The following SUPT3H variants were observed in gnomAD, a reference collection of about 807,000 sequenced individuals.
SUPT3H encodes the protein SPT3 homolog, SAGA and STAGA complex component, also known as transcription initiation protein SPT3 homolog.
A neutral mutation model predicts 44.3 loss-of-function variants in SUPT3H; 44 were observed. The ratio of observed to expected loss-of-function variants is 0.99; its 90% CI spans 0.78 to 1.28. SUPT3H has a LOEUF of 1.28. Among genes scored for constraint, SUPT3H ranks in the 50% most tolerant of loss-of-function variants. The pLI is 0.00. For synonymous variants in SUPT3H, 124 were observed against 125.6 expected (o/e 0.99, Z 0.09); for missense variants, 380 against 387.1 (o/e 0.98, Z 0.15).
chr6:44,894,581 A>C (rs1270935354), intron 10 of SUPT3H, among the ~76,000 whole-genome samples: 3 of 152,160 alleles, frequency 2.0e-5, no homozygotes, highest in African/African-American at 7.2e-5. Context: ...ATTGATGTAT[A>C]TCTCTGTTTT....
chr6:45,074,924 T>C (rs954513240), intron 3 of SUPT3H, among the ~76,000 whole-genome samples: 17 of 152,106 alleles, frequency 1.1e-4, no homozygotes, highest in Non-Finnish European at 1.8e-4. Flanking sequence ...AACATACATA[T>C]ACTGAGTTTC....
chr6:45,334,449 CAAAAA>C (rs551014969), intron 2 of SUPT3H, among the ~76,000 whole-genome samples: 256 of 91,734 alleles, frequency 2.8e-3, no homozygotes, highest in African/African-American at 0.011. Flanking sequence ...TCAGGAAAAG[CAAAAA>C]AAAAAAAAAA....
intron 3 of SUPT3H, among the ~76,000 whole-genome samples, chr6:45,050,278 A>AGAGTGTGTGTGTGTGTGT (rs1554221019): frequency 8.9e-4 from 131 of 147,420 alleles, no homozygotes; most frequent in Middle Eastern, 3.5e-3. Flanking sequence ...CTTTTTCTGC[A>AGAGTGTGTGTGTGTGTGT]GTGTGTGTGT....
At chr6:45,175,122 A>G (rs1432630709) in intron 2 of SUPT3H, among the ~76,000 whole-genome samples, 2 of 151,944 alleles carry the variant, frequency 1.3e-5, no homozygotes, top group South Asian at 2.1e-4. Context: ...ACTTCCTACT[A>G]TATCACTTAA....
intron 3 of SUPT3H, among the ~76,000 whole-genome samples, chr6:45,092,599 A>C (rs982892091): frequency 3.3e-5 from 5 of 151,914 alleles, no homozygotes; most frequent in African/African-American, 1.2e-4. Context: ...AAAATACAAA[A>C]ACTAGCCAGG....
chr6:44,997,432 C>T (rs1464775099), intron 6 of SUPT3H, among the ~76,000 whole-genome samples: 1 of 151,624 alleles, frequency 6.6e-6, no homozygotes, highest in Non-Finnish European at 1.5e-5. Flanking sequence ...CTGATTGACA[C>T]TGTCTTTTTT....
At chr6:44,925,643 A>G (rs900418723) in intron 10 of SUPT3H, among the ~76,000 whole-genome samples, 8 of 152,144 alleles carry the variant, frequency 5.3e-5, no homozygotes, top group African/African-American at 1.9e-4. Flanking sequence ...AACCATGGGT[A>G]CCACCCACTG....
At chr6:44,946,640 T>C (rs139299466) in intron 9 of SUPT3H, among the ~76,000 whole-genome samples, 8 of 152,286 alleles carry the variant, frequency 5.3e-5, no homozygotes, top group South Asian at 2.1e-4. Context: ...AATCTCATGA[T>C]AAAACTTGAA....
intron 2 of SUPT3H, among the ~76,000 whole-genome samples, chr6:45,269,311 T>G (rs910117797): frequency 2.6e-5 from 4 of 152,190 alleles, no homozygotes; most frequent in Non-Finnish European, 5.9e-5. Context: ...ACCACATTCC[T>G]CATTTGTTTA....
chr6:45,305,742 C>T (rs1782890203), intron 2 of SUPT3H, among the ~76,000 whole-genome samples: 1 of 152,186 alleles, frequency 6.6e-6, no homozygotes, highest in African/African-American at 2.4e-5. Flanking sequence ...CTATCTTTCC[C>T]AACTCCACAC....
chr6:44,880,342 A>G (rs1173191238), intron 10 of SUPT3H, among the ~76,000 whole-genome samples: 2 of 152,134 alleles, frequency 1.3e-5, no homozygotes, highest in Non-Finnish European at 2.9e-5. Flanking sequence ...TTGAAGATCA[A>G]CTTGAAGAAA....
intron 2 of SUPT3H, among the ~76,000 whole-genome samples, chr6:45,224,783 A>T (rs1396753924): frequency 2.4e-4 from 36 of 151,788 alleles, no homozygotes; most frequent in Non-Finnish European, 1.5e-4. Flanking sequence ...GTCTCCAAAA[A>T]AAAAAAAGAA....
At chr6:45,316,272 A>G (rs1315229933) in intron 2 of SUPT3H, among the ~76,000 whole-genome samples, 1 of 152,156 alleles carries the variant, frequency 6.6e-6, no homozygotes, top group East Asian at 1.9e-4. Flanking sequence ...AATCTCCACT[A>G]AAGAACTTAC....
chr6:45,031,815 A>G (rs1192002395), intron 3 of SUPT3H, among the ~76,000 whole-genome samples: 1 of 152,194 alleles, frequency 6.6e-6, no homozygotes, highest in Admixed American at 6.5e-5. Flanking sequence ...AAACTCACTT[A>G]GTCATACCAG....
intron 2 of SUPT3H, among the ~76,000 whole-genome samples, chr6:45,326,862 C>T (rs1462148306): frequency 6.6e-6 from 1 of 151,828 alleles, no homozygotes; most frequent in Non-Finnish European, 1.5e-5. Context: ...TCACTGTCTC[C>T]GCCCACCCCA....
At chr6:45,220,125 A>G (rs1765793501) in intron 2 of SUPT3H, among the ~76,000 whole-genome samples, 1 of 151,056 alleles carries the variant, frequency 6.6e-6, no homozygotes, top group African/African-American at 2.4e-5. Context: ...TTCCCATTTT[A>G]TCAGGCAAAT....
At chr6:45,008,695 G>A (rs1783055674) in intron 5 of SUPT3H, among the ~76,000 whole-genome samples, 2 of 151,760 alleles carry the variant, frequency 1.3e-5, no homozygotes, top group African/African-American at 2.4e-5. Flanking sequence ...TAGTGGGTGT[G>A]GAGTATTATA....
chr6:45,024,747 A>G (rs747497588), intron 3 of SUPT3H, among the ~76,000 whole-genome samples: 60 of 152,208 alleles, frequency 3.9e-4, no homozygotes, highest in Non-Finnish European at 8.1e-4. Flanking sequence ...TGAGATTAAC[A>G]GTTCAATCAG....
At chr6:45,286,360 G>T (rs972370067) in intron 2 of SUPT3H, among the ~76,000 whole-genome samples, 16 of 151,946 alleles carry the variant, frequency 1.1e-4, no homozygotes, top group South Asian at 2.1e-4. Flanking sequence ...GACAAAGGGC[G>T]AATATCTAGA....
Sources: allele counts gnomAD v4.1 joint callset (sites outside exome capture counted in the v4.1 genomes callset), GRCh38; gene constraint gnomAD v4.1.1; transcripts MANE v1.5; gene names NCBI Gene and HGNC (gene_info 2026-07-23, HGNC 2026-07-21).